Variants in SARNP observed in about 807,000 individuals in gnomAD.
The protein encoded by SARNP is SAP domain containing ribonucleoprotein, also known as SAP domain-containing ribonucleoprotein.
In SARNP, 5 loss-of-function variants were observed where a neutral mutation model predicts 38.1. That is an observed-to-expected ratio of 0.13 (90% confidence interval 0.07 to 0.28). The LOEUF is 0.28. SARNP is among the 10% of genes least tolerant of loss of function. The pLI is 1.00. For synonymous variants in SARNP, 84 were observed against 80.6 expected (o/e 1.04, Z -0.23); for missense variants, 180 against 243.9 (o/e 0.74, Z 1.75).
At chr12:55,780,321 G>A (rs968288314) in intron 9 of SARNP, among the ~76,000 whole-genome samples, 5 of 152,040 alleles carry the variant, frequency 3.3e-5, no homozygotes, top group Non-Finnish European at 7.4e-5. Flanking sequence ...GGGCATAGTA[G>A]CACATGCCCG....
At chr12:55,809,021 A>G (rs1368911497) in intron 1 of SARNP, among the ~76,000 whole-genome samples, 1 of 152,068 alleles carries the variant, frequency 6.6e-6, no homozygotes, top group Non-Finnish European at 1.5e-5. Flanking sequence ...AGCCTGGACA[A>G]TATGTTGAAA....
intron 9 of SARNP, among the ~76,000 whole-genome samples, chr12:55,767,075 C>A (rs577197878): frequency 1.1e-4 from 17 of 152,164 alleles, no homozygotes; most frequent in Non-Finnish European, 2.2e-4. Context: ...TTCAAGCCTG[C>A]TCCAAGATAC....
intron 9 of SARNP, among the ~76,000 whole-genome samples, chr12:55,783,424 T>A (rs1232248031): frequency 1.3e-5 from 2 of 152,216 alleles, no homozygotes; most frequent in Non-Finnish European, 2.9e-5. Flanking sequence ...CAGCCTCTTG[T>A]GTAAAAAATT....
downstream of SARNP, chr12:55,755,994 A>G (rs1275737024): frequency 6.6e-6 from 1 of 152,214 alleles, no homozygotes; most frequent in African/African-American, 2.4e-5. Flanking sequence ...CATCTGCTCT[A>G]TTCCCTCATG....
rs1339197061 is a variant in SARNP, at chr12:55,785,331, C to T, written c.501+3744G>A. On this transcript the variant is annotated intron_variant, in intron 9 of 10. Coordinates refer to ENST00000336133, the MANE Select transcript of SARNP (RefSeq NM_033082.4). ...GCGCTGAAATCTTATCAATGATCAACTAAAACTAAAATTGAGTCAAGTTAA... is the reference window on the plus strand; with the variant it reads ...GCGCTGAAATCTTATCAATGATCAATTAAAACTAAAATTGAGTCAAGTTAA... 2.0e-5 allele frequency among the ~76,000 whole-genome samples: 3 copies of T among 152,240 alleles called. No individual in the cohort carries two copies. In the South Asian group the frequency reaches 6.2e-4, roughly 32 times the overall value.
chr12:55,790,440 T>C (rs1365845879), intron 8 of SARNP, 127 bp downstream of exon 8: 15 of 1,059,286 alleles, frequency 1.4e-5, no homozygotes, highest in East Asian at 1.1e-4. Flanking sequence ...ACATACAACA[T>C]TGTACTGAAA....
intron 9 of SARNP, 39 bp from the exon 10 acceptor site, chr12:55,760,679 C>T (rs761459562): frequency 2.2e-6 from 3 of 1,343,344 alleles, no homozygotes; most frequent in African/African-American, 1.4e-5. Flanking sequence ...ACAAACTAGC[C>T]TCCATTCACC....
chr12:55,757,360 G>A lies in SARNP; in HGVS notation c.*152C>T. 1 of 474,314 alleles carries A rather than the reference G, an allele frequency of 2.1e-6. No homozygotes were observed. The highest frequency in any genetic ancestry group is 3.7e-6 in the Non-Finnish European group (1 of 272,690). 29.4% of individuals were successfully genotyped at this position (474,314 alleles called of 1,614,324 possible). A position where few individuals can be genotyped will look rare whatever the true frequency, so the allele number is the denominator to read the frequency against. ...AGCTGAAACAGCAATAAGTCAAACT[G>A]CTGCCGCAGTTCATGGATGTACCTG... On this transcript the variant is annotated 3_prime_UTR_variant, in exon 11 of 11. Coordinates refer to ENST00000336133, the MANE Select transcript of SARNP (RefSeq NM_033082.4).
chr12:55,771,722 C>G (rs1359239755), intron 9 of SARNP, among the ~76,000 whole-genome samples: 2 of 152,090 alleles, frequency 1.3e-5, no homozygotes, highest in Non-Finnish European at 2.9e-5. Flanking sequence ...AATGAGTTAC[C>G]ATACTAAGAT....
chr12:55,795,806 AAT>A (rs1360330130), intron 5 of SARNP, among the ~76,000 whole-genome samples: 1 of 152,222 alleles, frequency 6.6e-6, no homozygotes, highest in African/African-American at 2.4e-5. Context: ...TTAAGACCAT[AAT>A]ATTACATATA....
intron 10 of SARNP, 83 bp from the exon 11 acceptor site, chr12:55,757,636 A>C (rs1878551600): frequency 1.9e-6 from 2 of 1,077,306 alleles, no homozygotes; most frequent in Non-Finnish European, 2.7e-6. Context: ...CCAAACTCAC[A>C]TGAACTGTCA....
chr12:55,782,346 C>T (rs1325569636), intron 9 of SARNP, among the ~76,000 whole-genome samples: 2 of 152,114 alleles, frequency 1.3e-5, no homozygotes, highest in East Asian at 1.9e-4. Context: ...ATTAGACTTG[C>T]TTTGTTTTTT....
intron 9 of SARNP, among the ~76,000 whole-genome samples, chr12:55,767,848 G>C (rs1284403350): frequency 2.8e-5 from 1 of 35,404 alleles, no homozygotes; most frequent in African/African-American, 9.6e-5. Flanking sequence ...CTCCCTCTCA[G>C]AAAAAAAAAA....
intron 9 of SARNP, among the ~76,000 whole-genome samples, chr12:55,776,731 A>G (rs1299736188): frequency 6.6e-6 from 1 of 152,176 alleles, no homozygotes; most frequent in Non-Finnish European, 1.5e-5. Flanking sequence ...CCAACTATCT[A>G]TCACCCTAAA....
intron 9 of SARNP, among the ~76,000 whole-genome samples, chr12:55,779,201 A>G (rs1010571082): frequency 6.6e-6 from 1 of 152,204 alleles, no homozygotes; most frequent in Non-Finnish European, 1.5e-5. Context: ...TGAAAAGAAC[A>G]TAGTTATTCA....
chr12:55,813,351 T>C (rs1433685715), intron 1 of SARNP, among the ~76,000 whole-genome samples: 1 of 151,938 alleles, frequency 6.6e-6, no homozygotes, highest in Admixed American at 6.6e-5. Flanking sequence ...GTAAATAATA[T>C]TTGAGTGAAA....
chr12:55,783,680 TATAA>T (rs1362004774), intron 9 of SARNP, among the ~76,000 whole-genome samples: 2 of 152,116 alleles, frequency 1.3e-5, no homozygotes, highest in African/African-American at 4.8e-5. Context: ...AACTGAAATA[TATAA>T]ATAGTCATGC....
intron 4 of SARNP, among the ~76,000 whole-genome samples, chr12:55,798,809 G>C (rs1879892813): frequency 2.6e-5 from 4 of 152,154 alleles, no homozygotes; most frequent in Non-Finnish European, 5.9e-5. Context: ...TATTACACTA[G>C]TCGAACTTTT....
At chr12:55,786,472 T>G (rs1879498794) in intron 9 of SARNP, among the ~76,000 whole-genome samples, 2 of 149,380 alleles carry the variant, frequency 1.3e-5, no homozygotes. Flanking sequence ...TTGTTTGAGA[T>G]GGAGTCTCAC....
Sources: allele counts gnomAD v4.1 joint callset (sites outside exome capture counted in the v4.1 genomes callset), GRCh38; gene constraint gnomAD v4.1.1; transcripts MANE v1.5; gene names NCBI Gene and HGNC (gene_info 2026-07-23, HGNC 2026-07-21).